Variants in PDZRN4 observed in about 807,000 individuals in gnomAD.
PDZRN4 encodes PDZ domain containing ring finger 4, also known as PDZ domain-containing RING finger protein 4.
Under a neutral mutation model 99.0 loss-of-function variants are expected in PDZRN4, and 70 were observed. The ratio of observed to expected loss-of-function variants is 0.71; its 90% CI spans 0.58 to 0.86. The LOEUF (loss-of-function observed/expected upper bound fraction) is 0.86. Ranked by LOEUF, PDZRN4 falls within the 40% of genes least tolerant of loss-of-function variation. The pLI is 0.00. For synonymous variants in PDZRN4, 551 were observed against 501.6 expected, an observed-to-expected ratio of 1.10 and a Z score of -1.32; for missense variants, 1,474 against 1,331.2, an observed-to-expected ratio of 1.11 and a Z score of -1.67.
At chr12:41,337,954 T>C (rs374477818) in intron 3 of PDZRN4, among the ~76,000 whole-genome samples, 1 of 152,108 alleles carries the variant, frequency 6.6e-6, no homozygotes, top group Non-Finnish European at 1.5e-5. Flanking sequence ...AGATGGAGTC[T>C]TACTATGTTG....
At chr12:41,565,672 G>A (rs753186318) in intron 8 of PDZRN4, among the ~76,000 whole-genome samples, 14 of 152,002 alleles carry the variant, frequency 9.2e-5, no homozygotes, top group South Asian at 2.1e-4. Context: ...GTACATCTGT[G>A]CAATATTTTT....
chr12:41,337,702 A>T (rs189082718), intron 3 of PDZRN4, among the ~76,000 whole-genome samples: 102 of 152,216 alleles, frequency 6.7e-4, no homozygotes, highest in African/African-American at 2.1e-3. Flanking sequence ...ATTCTCACGA[A>T]AACTTATCAG....
In PDZRN4 at chr12:41,358,782, G is replaced by T. The variant is rs185901919; in HGVS notation, c.844-147674G>T. 1.7e-3 allele frequency among the ~76,000 whole-genome samples: 264 copies of T among 152,032 alleles called. 2 individuals are homozygous for T. Among genetic ancestry groups the T allele is most frequent in the African/African-American group, 6.0e-3 (251 of 41,520 alleles). On this transcript the variant is annotated intron_variant, in intron 3 of 9. Coordinates refer to ENST00000402685, the MANE Select transcript of PDZRN4 (RefSeq NM_001164595.2). ...TTTGTTTATACACTTTCATCTTCCAGTTGCTTGAGTGATTTGCATGCTCAT... is the reference window on the plus strand; with the variant it reads ...TTTGTTTATACACTTTCATCTTCCATTTGCTTGAGTGATTTGCATGCTCAT...
At chr12:41,255,707 C>G (rs1951201035) in intron 3 of PDZRN4, among the ~76,000 whole-genome samples, 1 of 152,136 alleles carries the variant, frequency 6.6e-6, no homozygotes, top group African/African-American at 2.4e-5. Flanking sequence ...GTTTTGCGAG[C>G]TGTACAGGAA....
chr12:41,286,252 T>C (rs1205917658), intron 3 of PDZRN4, among the ~76,000 whole-genome samples: 5 of 151,716 alleles, frequency 3.3e-5, no homozygotes, highest in Non-Finnish European at 7.4e-5. Flanking sequence ...AATCTGACTT[T>C]TAGGTTCTAA....
chr12:41,568,957 A>G (rs1183821017), intron 9 of PDZRN4, among the ~76,000 whole-genome samples: 1 of 150,486 alleles, frequency 6.6e-6, no homozygotes, highest in African/African-American at 2.4e-5. Context: ...GATGCCCACC[A>G]CCATGCCCAG....
chr12:41,471,285 G>A (rs1482391952), intron 3 of PDZRN4, among the ~76,000 whole-genome samples: 2 of 152,152 alleles, frequency 1.3e-5, no homozygotes, highest in Non-Finnish European at 2.9e-5. Context: ...AGGTCTTTAT[G>A]TTTATTGGTT....
At chr12:41,372,856 C>G (rs202235778) in intron 3 of PDZRN4, among the ~76,000 whole-genome samples, 5 of 152,070 alleles carry the variant, frequency 3.3e-5, no homozygotes, top group African/African-American at 9.7e-5. Flanking sequence ...GAAGTCTATA[C>G]AGGATGAATT....
intron 3 of PDZRN4, among the ~76,000 whole-genome samples, chr12:41,463,577 C>G (rs770854276): frequency 7.9e-5 from 12 of 152,024 alleles, no homozygotes; most frequent in Admixed American, 2.0e-4. Context: ...TCACACCATC[C>G]TCATAGGGCA....
At chr12:41,254,201 A>G (rs950289169) in intron 3 of PDZRN4, among the ~76,000 whole-genome samples, 1 of 152,020 alleles carries the variant, frequency 6.6e-6, no homozygotes, top group Admixed American at 6.6e-5. Context: ...ATACATCAGC[A>G]TTTTCTTTTA....
intron 5 of PDZRN4, among the ~76,000 whole-genome samples, chr12:41,546,936 T>C (rs1039689329): frequency 4.6e-5 from 7 of 152,208 alleles, no homozygotes; most frequent in African/African-American, 1.7e-4. Context: ...GATGGAGATC[T>C]CCCAAAAACT....
intron 3 of PDZRN4, among the ~76,000 whole-genome samples, chr12:41,483,809 G>T (rs961745693): frequency 6.6e-6 from 1 of 152,076 alleles, no homozygotes; most frequent in African/African-American, 2.4e-5. Flanking sequence ...GAAAAGGAAA[G>T]AAATAAACAA....
At chr12:41,365,183 GAT>G (rs570244494) in intron 3 of PDZRN4, among the ~76,000 whole-genome samples, 15 of 152,020 alleles carry the variant, frequency 9.9e-5, no homozygotes, top group Non-Finnish European at 2.1e-4. Context: ...AATAATAAAA[GAT>G]ATTGGGGATG....
chr12:41,571,335 GTCTCTCTCTCTCTCTC>G (rs752003607), intron 9 of PDZRN4, among the ~76,000 whole-genome samples: 22 of 101,164 alleles, frequency 2.2e-4, no homozygotes, highest in African/African-American at 7.3e-4. Context: ...AATTACCAGA[GTCTCTCTCTCTCTCTC>G]TCTCTCTCTC....
intron 3 of PDZRN4, among the ~76,000 whole-genome samples, chr12:41,417,499 A>T (rs1952454770): frequency 6.6e-6 from 1 of 152,186 alleles, no homozygotes; most frequent in African/African-American, 2.4e-5. Context: ...ATCAGTACTT[A>T]CTGAATTTCT....
chr12:41,510,320 T>C (rs1054759331), intron 5 of PDZRN4, among the ~76,000 whole-genome samples: 7 of 152,160 alleles, frequency 4.6e-5, no homozygotes, highest in Admixed American at 3.3e-4. Context: ...TTGTATTCTT[T>C]GGAAATGCAA....
chr12:41,404,849 C>A (rs1475082718), intron 3 of PDZRN4, among the ~76,000 whole-genome samples: 2 of 125,998 alleles, frequency 1.6e-5, no homozygotes, highest in South Asian at 2.7e-4. Flanking sequence ...TAATCTTCAA[C>A]AAGACCAAAA....
chr12:41,538,911 T>G (rs996118755), intron 5 of PDZRN4, among the ~76,000 whole-genome samples: 2 of 151,974 alleles, frequency 1.3e-5, no homozygotes, highest in Non-Finnish European at 2.9e-5. Context: ...TTATGAAAAT[T>G]TAACAGTGCA....
chr12:41,273,781 C>A lies in PDZRN4; in HGVS notation c.843+79593C>A, dbSNP rs193167679. On this transcript the variant is annotated intron_variant, in intron 3 of 9. Transcript: ENST00000402685. ...ACCTGCAAAAACTATGGTTGATTTG[C>A]AAACATGTCTTATTATAGTAGAAAA... 9.8e-4 allele frequency among the ~76,000 whole-genome samples: 149 copies of A among 152,052 alleles called. 1 individual carries two copies. The highest frequency in any genetic ancestry group is 3.5e-3 in the African/African-American group (145 of 41,526).
Sources: allele counts gnomAD v4.1 joint callset (sites outside exome capture counted in the v4.1 genomes callset), GRCh38; gene constraint gnomAD v4.1.1; transcripts MANE v1.5; gene names NCBI Gene and HGNC (gene_info 2026-07-23, HGNC 2026-07-21).